The following WLS variants were observed in gnomAD, a reference collection of about 807,000 sequenced individuals.
WLS encodes Wnt ligand secretion mediator.
In WLS, 23 loss-of-function variants were observed where a neutral mutation model predicts 62.8. The ratio of observed to expected loss-of-function variants is 0.37; its 90% CI spans 0.26 to 0.52. The LOEUF is 0.52. Among genes scored for constraint, WLS ranks in the 20% least tolerant of loss-of-function variants. The pLI, the probability that WLS is intolerant of heterozygous loss-of-function variation, is 0.92. For synonymous variants in WLS, 246 were observed against 244.1 expected (o/e 1.01, Z -0.07); for missense variants, 615 against 697.3 (o/e 0.88, Z 1.33).
intron 2 of WLS, among the ~76,000 whole-genome samples, chr1:68,176,949 CA>C (rs1224874207): frequency 6.6e-6 from 1 of 152,154 alleles, no homozygotes; most frequent in African/African-American, 2.4e-5. Context: ...TACCTTCATC[CA>C]AAAGAATGTT....
intron 1 of WLS, among the ~76,000 whole-genome samples, chr1:68,214,291 C>G (rs1478235789): frequency 6.6e-6 from 1 of 152,030 alleles, no homozygotes; most frequent in Non-Finnish European, 1.5e-5. Context: ...TTAATTGTTA[C>G]AGAGGACTTA....
chr1:68,172,671 C>A (rs1417174013), intron 2 of WLS, among the ~76,000 whole-genome samples: 1 of 152,116 alleles, frequency 6.6e-6, no homozygotes, highest in Non-Finnish European at 1.5e-5. Flanking sequence ...ACAGAAGACA[C>A]AATCTTCTGG....
chr1:68,207,792 A>G (rs2820509), intron 1 of WLS, among the ~76,000 whole-genome samples: 47,984 of 152,072 alleles, frequency 0.32, 8,809 homozygotes, highest in East Asian at 0.8. Flanking sequence ...CGCCTCCTAA[A>G]TTTATTTTGA....
At chr1:68,108,955 G>A (rs1416525842) in intron 11 of WLS, among the ~76,000 whole-genome samples, 1 of 152,258 alleles carries the variant, frequency 6.6e-6, no homozygotes, top group Non-Finnish European at 1.5e-5. Flanking sequence ...AGCACTTCTG[G>A]TACTATAAGG....
chr1:68,129,127 C>T (rs1042549175), intron 11 of WLS, among the ~76,000 whole-genome samples: 4 of 152,070 alleles, frequency 2.6e-5, no homozygotes, highest in South Asian at 4.1e-4. Context: ...GAGTTTGAAC[C>T]AGCCTGGTCA....
chr1:68,214,321 C>T (rs1649643473), intron 1 of WLS, among the ~76,000 whole-genome samples: 1 of 151,968 alleles, frequency 6.6e-6, no homozygotes, highest in Non-Finnish European at 1.5e-5. Flanking sequence ...AATAAGCTAA[C>T]TGTCCAAATA....
chr1:68,111,760 T>A lies in WLS; in HGVS notation c.1511-13007A>T, dbSNP rs550857246. ...AAACCCACAGGTCAGATGGCTGCTG[T>A]CCAAACTTTAGGATCTTTAGGGCTG... On this transcript the variant is annotated intron_variant, in intron 11 of 11. Transcript: ENST00000354777. Among the ~76,000 whole-genome samples, 7 of 152,322 alleles carry A rather than the reference T, an allele frequency of 4.6e-5. No homozygotes were observed. The South Asian group carries it at 8.3e-4, about 18-fold the overall frequency.
Position 68,126,309 on chromosome 1 carries a change from C to G in WLS, c.1543G>C (p.Glu515Gln), listed in dbSNP as rs1358701011. The G allele has an allele frequency of 6.2e-7, 1 of 1,613,978 alleles. No homozygotes were observed. The highest frequency in any genetic ancestry group is 1.1e-5 in the South Asian group (1 of 91,088). Residue 515 changes from glutamate (E) to glutamine (Q), a missense_variant, in exon 12 of 12, where the codon GAA becomes CAA. Coordinates refer to ENST00000262348, the MANE Select transcript of WLS (RefSeq NM_024911.7). ...GTGATAGTGGTGGTGAGCTGGAGTT[C>G]TTCCCCACTATGGACACCCAGATCG... ...NGDLGVHSGE[E>Q]LQLTTTITHV...
At chr1:68,140,978 C>G (rs1293966904) in intron 10 of WLS, among the ~76,000 whole-genome samples, 2 of 148,990 alleles carry the variant, frequency 1.3e-5, no homozygotes, top group East Asian at 4.0e-4. Context: ...CCCCCCTCCG[C>G]CAAACCCTCC....
chr1:68,122,088 A>G (rs1357713885), downstream of WLS, among the ~76,000 whole-genome samples: 1 of 152,256 alleles, frequency 6.6e-6, no homozygotes, highest in African/African-American at 2.4e-5. Flanking sequence ...ATTCTAGTTT[A>G]TAGATTCCCC....
chr1:68,182,893 A>G (rs919407126), intron 2 of WLS, among the ~76,000 whole-genome samples: 1 of 152,132 alleles, frequency 6.6e-6, no homozygotes, highest in Admixed American at 6.5e-5. Flanking sequence ...AAACTATCTA[A>G]TTAGAATGTT....
chr1:68,120,600 A>C (rs1232023121), downstream of WLS, among the ~76,000 whole-genome samples: 13 of 152,228 alleles, frequency 8.5e-5, 1 homozygote, highest in Admixed American at 8.5e-4. Flanking sequence ...CTTGTGAAGT[A>C]AGATCTCTAC....
Position 68,232,331 on chromosome 1 carries a change from A to T in WLS, c.-32T>A. ...GCCCCCCCTTTTTCTTTTCTCCTTG[A>T]AATAAATGTTTTAGGGTGAGCTTTT... On this transcript the variant is annotated 5_prime_UTR_variant, in exon 1 of 12. Transcript: ENST00000262348. The T allele has an allele frequency of 6.2e-7, 1 of 1,611,494 alleles. No individual in the cohort carries two copies. Among genetic ancestry groups the T allele is most frequent in the African/African-American group, 1.3e-5 (1 of 74,850 alleles).
chr1:68,103,629 G>T (rs548861385), intron 11 of WLS, among the ~76,000 whole-genome samples: 6 of 152,268 alleles, frequency 3.9e-5, no homozygotes, highest in South Asian at 2.1e-4. Flanking sequence ...ATTGTAGTTT[G>T]TAGGGGGATA....
At position 68,222,330 on chromosome 1, in the gene WLS, G is replaced by A. The variant is rs570237612; in HGVS notation, c.106+9864C>T. ...TAGTTGATTTTTTTTAAATTCTGTAGTGTTCCTTAAAATCCACATAGCATA... is the reference window on the plus strand; with the variant it reads ...TAGTTGATTTTTTTTAAATTCTGTAATGTTCCTTAAAATCCACATAGCATA... On this transcript the variant is annotated intron_variant, in intron 1 of 11. Coordinates refer to ENST00000262348, the MANE Select transcript of WLS (RefSeq NM_024911.7). Among the ~76,000 whole-genome samples, 30 of 152,282 alleles carry A rather than the reference G, an allele frequency of 2.0e-4. No individual in the cohort carries two copies. In the East Asian group the frequency reaches 5.8e-3, roughly 29 times the overall value.
intron 11 of WLS, among the ~76,000 whole-genome samples, chr1:68,110,479 TAAAA>T (rs1646211039): frequency 6.6e-6 from 1 of 151,908 alleles, no homozygotes; most frequent in African/African-American, 2.4e-5. Flanking sequence ...TTGCATTAAA[TAAAA>T]AACCAAATGT....
At chr1:68,174,576 C>T (rs751663138) in intron 2 of WLS, among the ~76,000 whole-genome samples, 5 of 152,142 alleles carry the variant, frequency 3.3e-5, no homozygotes, top group East Asian at 3.9e-4. Flanking sequence ...GGTGGAGCTG[C>T]GGAAGAACTC....
At chr1:68,113,132 C>A (rs56218601) in intron 11 of WLS, among the ~76,000 whole-genome samples, 8,950 of 152,262 alleles carry the variant, frequency 0.059, 328 homozygotes, top group African/African-American at 0.1. Flanking sequence ...ACTCTGAGAC[C>A]ATATTGGCTG....
chr1:68,136,143 G>A (rs999701407), intron 11 of WLS, among the ~76,000 whole-genome samples: 14 of 152,094 alleles, frequency 9.2e-5, no homozygotes, highest in Non-Finnish European at 1.2e-4. Flanking sequence ...ACCACTCCAC[G>A]TCCCTTGACC....
Sources: gnomAD v4.1 joint callset for allele counts (sites outside exome capture counted in the v4.1 genomes callset) on GRCh38, gnomAD v4.1.1 for gene constraint, MANE v1.5 for transcripts, NCBI Gene and HGNC (gene_info 2026-07-23, HGNC 2026-07-21) for gene names.